HELLS: variants seen among roughly 807,000 people sequenced by gnomAD.
HELLS encodes the protein helicase, lymphoid specific.
A neutral mutation model predicts 120.0 loss-of-function variants in HELLS; 32 were observed. That is an observed-to-expected ratio of 0.27 (90% CI 0.20 to 0.36). The LOEUF (loss-of-function observed/expected upper bound fraction) is 0.36, where lower values mean the gene tolerates loss of function less well. Ranked by LOEUF, HELLS falls within the 10% of genes least tolerant of loss-of-function variation. HELLS has a pLI of 1.00. For synonymous variants in HELLS, 341 were observed against 323.4 expected, an observed-to-expected ratio of 1.05 and a Z score of -0.58; for missense variants, 650 against 993.4, an observed-to-expected ratio of 0.65 and a Z score of 4.65.
chr10:94,599,420 C>A (rs1845918303), intron 21 of HELLS, among the ~76,000 whole-genome samples: 1 of 152,174 alleles, frequency 6.6e-6, no homozygotes, highest in Non-Finnish European at 1.5e-5. Flanking sequence ...GTGGTGTGAT[C>A]ATGGCTCACT....
intron 19 of HELLS, among the ~76,000 whole-genome samples, chr10:94,595,345 A>G (rs1447386434): frequency 6.6e-6 from 1 of 152,208 alleles, no homozygotes; most frequent in Non-Finnish European, 1.5e-5. Context: ...GCGAGTATGT[A>G]GATATGTAGA....
intron 12 of HELLS, chr10:94,584,163 G>C: frequency 1.1e-6 from 1 of 896,268 alleles, no homozygotes; most frequent in Non-Finnish European, 1.5e-6. Context: ...GATTAAAAAG[G>C]ATGATTATTG....
At position 94,545,838 on chromosome 10, in the gene HELLS, G is replaced by C. The variant is rs1252547380; in HGVS notation, c.-84G>C. 4.1e-6 allele frequency: 6 copies of C among 1,450,912 alleles called. No individual in the cohort carries two copies. In the South Asian group the frequency reaches 6.1e-5, roughly 15 times the overall value. 89.9% of individuals were successfully genotyped at this position (1,450,912 alleles called of 1,614,324 possible). On this transcript the variant is annotated 5_prime_UTR_variant, in exon 1 of 22. Transcript: ENST00000348459. ...GGCGGGGGATTTGGCTAGAAGGCTG[G>C]GCCGGCAGCGGTTGTGAGGAGTTAG... is the stretch of plus-strand genomic sequence containing the variant.
chr10:94,567,905 G>GGTT (rs1843907016), intron 6 of HELLS, among the ~76,000 whole-genome samples: 1 of 130,632 alleles, frequency 7.7e-6, no homozygotes, highest in African/African-American at 3.0e-5. Context: ...TGAAACCCTG[G>GGTT]TTTTTTTTTT....
chr10:94,586,838 C>G (rs1193335613), intron 12 of HELLS, among the ~76,000 whole-genome samples: 1 of 151,934 alleles, frequency 6.6e-6, no homozygotes, highest in African/African-American at 2.4e-5. Context: ...ATTCTGTAAT[C>G]CCGCCACCAC....
chr10:94,610,316 C>G (rs936902491), exon 10 of HELLS: 1 of 151,822 alleles, frequency 6.6e-6, no homozygotes, highest in African/African-American at 2.4e-5. Flanking sequence ...TAAATGAGGC[C>G]GGGCGCAGTG....
chr10:94,560,064 G>A (rs369086328), intron 4 of HELLS, among the ~76,000 whole-genome samples: 32 of 152,040 alleles, frequency 2.1e-4, no homozygotes, highest in African/African-American at 7.5e-4. Flanking sequence ...ACGGAGTCTC[G>A]TTCTGTCACC....
rs746008860 is a variant in HELLS, at chr10:94,590,545, C to A, written c.1621C>A (p.Arg541=). The change falls in exon 14 of 22, where the codon CGA becomes AGA. Residue 541 remains arginine (R), a synonymous_variant. Transcript: ENST00000348459. ...CAGTCAAATACAGCCAGAGGTGGAC[C>A]GAGAAAGGTTTGAATTCAAAAGTGA... ...LISQIQPEVD[R]ERAVVEVNIP... is the part of the protein sequence containing the mutation. 2.5e-6 allele frequency: 4 copies of A among 1,610,180 alleles called. No individual in the cohort carries two copies. The highest frequency in any genetic ancestry group is 1.1e-5 in the South Asian group (1 of 89,958).
chr10:94,574,513 TTA>T, intron 8 of HELLS, 39 bp from the exon 9 acceptor site: 1 of 1,421,264 alleles, frequency 7.0e-7, no homozygotes, highest in Non-Finnish European at 9.9e-7. Context: ...CTGTAGTTGT[TTA>T]TATCCAAGTT....
chr10:94,588,893 TC>T (rs1283179689), intron 13 of HELLS, among the ~76,000 whole-genome samples: 1 of 151,990 alleles, frequency 6.6e-6, no homozygotes, highest in Admixed American at 6.6e-5. Context: ...ATGCCTGTTA[TC>T]CCAGCACTTT....
chr10:94,605,879 G>A (rs111453824), downstream of HELLS, among the ~76,000 whole-genome samples: 142 of 151,672 alleles, frequency 9.4e-4, 1 homozygote, highest in African/African-American at 2.5e-3. Context: ...AATTCCCCCC[G>A]GCTTGGCCTC....
At chr10:94,584,347 TG>T (rs1357292552) in intron 12 of HELLS, among the ~76,000 whole-genome samples, 1 of 152,144 alleles carries the variant, frequency 6.6e-6, no homozygotes, top group Admixed American at 6.5e-5. Flanking sequence ...GGTATCTTTG[TG>T]TGTGTTCATG....
chr10:94,586,790 C>A (rs1035695182), intron 12 of HELLS, among the ~76,000 whole-genome samples: 10 of 152,020 alleles, frequency 6.6e-5, no homozygotes, highest in African/African-American at 2.4e-4. Flanking sequence ...CTCCCAAGTT[C>A]AAGCCATTCT....
intron 2 of HELLS, among the ~76,000 whole-genome samples, chr10:94,549,491 A>G (rs1842884773): frequency 3.3e-5 from 5 of 152,188 alleles, no homozygotes; most frequent in Admixed American, 3.3e-4. Context: ...TTGAGTACTG[A>G]TAGTGCCTGT....
intron 6 of HELLS, 75 bp from the exon 7 acceptor site, chr10:94,571,313 A>G: frequency 1.6e-6 from 2 of 1,213,364 alleles, no homozygotes; most frequent in Admixed American, 4.3e-5. Flanking sequence ...TGAGCACAGA[A>G]TAAATGCTTG....
chr10:94,581,515 T>C lies in HELLS; in HGVS notation c.1222T>C (p.Leu408=), dbSNP rs1205925601. ...NFLLPDVFDD[L]KSFESWFDIT... is the part of the protein sequence containing the mutation. ...TTTGTTGCCAGATGTATTTGATGACTTGAAAAGGTGGGTAAGCCAGTTATT... is the reference window on the plus strand; with the variant it reads ...TTTGTTGCCAGATGTATTTGATGACCTGAAAAGGTGGGTAAGCCAGTTATT... Residue 408 remains leucine (L), a synonymous_variant, in exon 11 of 22, where the codon TTG becomes CTG. Transcript: ENST00000348459. 6.2e-7 allele frequency: 1 copy of C among 1,602,312 alleles called. No homozygotes were observed. The highest frequency in any genetic ancestry group is 2.2e-5 in the East Asian group (1 of 44,680).
At chr10:94,602,376 A>C (rs1317637616), downstream of HELLS, among the ~76,000 whole-genome samples, 1 of 152,218 alleles carries the variant, frequency 6.6e-6, no homozygotes, top group Non-Finnish European at 1.5e-5. Flanking sequence ...ACTAGAACCA[A>C]ATATAAGAGA....
At chr10:94,597,165 A>G in intron 21 of HELLS, 54 bp downstream of exon 21, 1 of 989,650 alleles carries the variant, frequency 1.0e-6, no homozygotes, top group East Asian at 2.4e-5. Flanking sequence ...CTTAATTAGC[A>G]TAATGTAATG....
chr10:94,602,336 C>T (rs1246737301), downstream of HELLS, among the ~76,000 whole-genome samples: 1 of 152,128 alleles, frequency 6.6e-6, no homozygotes, highest in Admixed American at 6.6e-5. Context: ...CAAAACAAGA[C>T]AGACCCTGAA....
Sources: gnomAD v4.1 joint callset for allele counts (sites outside exome capture counted in the v4.1 genomes callset) on GRCh38, gnomAD v4.1.1 for gene constraint, MANE v1.5 for transcripts, NCBI Gene and HGNC (gene_info 2026-07-23, HGNC 2026-07-21) for gene names.